Variants in EPB41L4A observed in about 807,000 individuals in gnomAD.
EPB41L4A encodes the protein erythrocyte membrane protein band 4.1 like 4A.
EPB41L4A carries 100 observed loss-of-function variants against 108.6 expected under a neutral mutation model. That is an observed-to-expected ratio of 0.92 (90% CI 0.78 to 1.09). The LOEUF (loss-of-function observed/expected upper bound fraction) is 1.09, where lower values mean the gene tolerates loss of function less well. Among genes scored for constraint, EPB41L4A ranks in the 50% least tolerant of loss-of-function variants. The pLI, the probability that EPB41L4A is intolerant of heterozygous loss-of-function variation, is 0.00. For missense variants in EPB41L4A, 1,030 were observed against 842.7 expected (o/e 1.22, Z -2.75); for synonymous variants, 319 against 289.0 (o/e 1.10, Z -1.05).
intron 8 of EPB41L4A, 73 bp downstream of exon 8, chr5:112,259,818 A>T: frequency 9.2e-7 from 1 of 1,087,080 alleles, no homozygotes; most frequent in Non-Finnish European, 1.4e-6. Flanking sequence ...CTTTTCCCCA[A>T]CTCTTTCACT....
intron 13 of EPB41L4A, chr5:112,205,860 A>G (rs559551650): frequency 2.0e-5 from 4 of 203,064 alleles, no homozygotes; most frequent in Non-Finnish European, 3.0e-5. Flanking sequence ...GCTACCCAGG[A>G]TCTTCAGCCT....
At chr5:112,274,366 T>C (rs997957639) in intron 4 of EPB41L4A, among the ~76,000 whole-genome samples, 5 of 152,194 alleles carry the variant, frequency 3.3e-5, no homozygotes, top group African/African-American at 9.7e-5. Context: ...ATATCTTAAG[T>C]TGAGGGATAA....
chr5:112,393,858 T>C (rs71438929), intron 1 of EPB41L4A, among the ~76,000 whole-genome samples: 1 of 152,092 alleles, frequency 6.6e-6, no homozygotes, highest in African/African-American at 2.4e-5. Context: ...ACTGGCAAAC[T>C]GAATCCAGCA....
At chr5:112,372,783 C>T (rs6890476) in intron 1 of EPB41L4A, among the ~76,000 whole-genome samples, 8,352 of 152,078 alleles carry the variant, frequency 0.055, 471 homozygotes, top group African/African-American at 0.14. Flanking sequence ...GGTTACTATA[C>T]AGAGAAATGA....
intron 12 of EPB41L4A, among the ~76,000 whole-genome samples, chr5:112,214,402 A>G (rs1396256908): frequency 6.6e-6 from 1 of 152,250 alleles, no homozygotes; most frequent in Admixed American, 6.5e-5. Flanking sequence ...AGAAAAGGGT[A>G]TAACATACAT....
intron 1 of EPB41L4A, among the ~76,000 whole-genome samples, chr5:112,418,624 C>G (rs905260716): frequency 1.3e-5 from 2 of 152,164 alleles, no homozygotes; most frequent in African/African-American, 4.8e-5. Flanking sequence ...CCATTCTGCC[C>G]CTCTTTGAGA....
intron 11 of EPB41L4A, 54 bp downstream of exon 11, chr5:112,239,606 G>A (rs1749623530): frequency 1.7e-6 from 2 of 1,146,684 alleles, no homozygotes; most frequent in East Asian, 5.4e-5. Flanking sequence ...TATGACAGCT[G>A]AATTAAGTAT....
At chr5:112,236,054 C>G (rs1749309893) in intron 11 of EPB41L4A, among the ~76,000 whole-genome samples, 1 of 152,126 alleles carries the variant, frequency 6.6e-6, no homozygotes, top group African/African-American at 2.4e-5. Flanking sequence ...ACAGAAAGAC[C>G]TGGGCACTGT....
rs187579863 is a variant in EPB41L4A, at chr5:112,412,335, G to A, written c.99+6606C>T. Among the ~76,000 whole-genome samples the A allele has an allele frequency of 2.7e-3, 418 of 152,310 alleles. 3 individuals carry two copies. The highest frequency in any genetic ancestry group is 4.3e-3 in the Non-Finnish European group (293 of 68,028). On this transcript the variant is annotated intron_variant, in intron 1 of 22. Transcript: ENST00000261486. The stretch of plus-strand genomic sequence containing the variant: ...TTCAGCGATCATTAAGACAGCCTCC[G>A]AAGGAACTATTCCAGACCTTGATGA...
chr5:112,380,517 C>T (rs1186639896), intron 1 of EPB41L4A, among the ~76,000 whole-genome samples: 1 of 151,992 alleles, frequency 6.6e-6, no homozygotes, highest in Admixed American at 6.6e-5. Context: ...AATGCTACTG[C>T]TTAAAAATCC....
intron 1 of EPB41L4A, among the ~76,000 whole-genome samples, chr5:112,385,318 A>C (rs1299940867): frequency 1.3e-5 from 2 of 152,162 alleles, no homozygotes; most frequent in South Asian, 2.1e-4. Flanking sequence ...AGTCCAATAA[A>C]AGGCATAAAA....
intron 4 of EPB41L4A, among the ~76,000 whole-genome samples, chr5:112,272,138 A>ATTTT (rs61119854): frequency 0.35 from 48,239 of 136,446 alleles, 10,178 homozygotes; most frequent in South Asian, 0.56. Context: ...CATTATTTGT[A>ATTTT]TTTTTTTTTT....
chr5:112,322,572 C>A (rs1037741149), intron 1 of EPB41L4A, among the ~76,000 whole-genome samples: 1 of 152,104 alleles, frequency 6.6e-6, no homozygotes. Flanking sequence ...ACTGTCTAAT[C>A]CTACCGACCC....
intron 1 of EPB41L4A, among the ~76,000 whole-genome samples, chr5:112,413,294 C>T (rs1027768747): frequency 2.0e-5 from 3 of 152,160 alleles, no homozygotes; most frequent in African/African-American, 4.8e-5. Flanking sequence ...TCCACTGCAC[C>T]GTCTCATTTT....
chr5:112,155,301 G>A (rs1350280201), intron 12 of EPB41L4A, among the ~76,000 whole-genome samples: 8 of 151,448 alleles, frequency 5.3e-5, no homozygotes, highest in South Asian at 2.1e-4. Flanking sequence ...CAACATTTCA[G>A]ATGATATTTA....
intron 1 of EPB41L4A, among the ~76,000 whole-genome samples, chr5:112,313,582 T>C (rs926764607): frequency 1.3e-5 from 2 of 152,066 alleles, no homozygotes; most frequent in East Asian, 3.9e-4. Context: ...CAGAGCGAGA[T>C]TCCATCTCAA....
rs191551917 is a variant in EPB41L4A, at chr5:112,356,462, A to T, written c.100-48972T>A. 1.1e-4 allele frequency among the ~76,000 whole-genome samples: 17 copies of T among 152,336 alleles called. No individual in the cohort carries two copies. The East Asian group carries it at 3.3e-3, about 29-fold the overall frequency. On this transcript the variant is annotated intron_variant, in intron 1 of 22. Transcript: ENST00000261486. The stretch of plus-strand genomic sequence containing the variant: ...TGACTCTGATGTGGCTGATTTACCA[A>T]ATGAAGTACCTTTTCTAGAGCGAAT...
At chr5:112,300,121 G>A (rs939746063) in intron 2 of EPB41L4A, among the ~76,000 whole-genome samples, 2 of 152,274 alleles carry the variant, frequency 1.3e-5, no homozygotes, top group African/African-American at 4.8e-5. Context: ...TCTTTTAAGT[G>A]GAGCATTTAG....
intron 9 of EPB41L4A, among the ~76,000 whole-genome samples, chr5:112,248,680 T>C (rs923021632): frequency 4.6e-5 from 7 of 152,192 alleles, no homozygotes; most frequent in African/African-American, 1.7e-4. Flanking sequence ...TCCCAGTTTC[T>C]TTTCCCATTT....
Sources: gnomAD v4.1 joint callset for allele counts (sites outside exome capture counted in the v4.1 genomes callset) on GRCh38, gnomAD v4.1.1 for gene constraint, MANE v1.5 for transcripts, NCBI Gene and HGNC (gene_info 2026-07-23, HGNC 2026-07-21) for gene names.